SUFU: variants seen among roughly 807,000 people sequenced by gnomAD.
The protein encoded by SUFU is suppressor of fused homolog.
A neutral mutation model predicts 58.9 loss-of-function variants in SUFU; 7 were observed. The observed-to-expected ratio is 0.12, with a 90% CI of 0.07 to 0.22. SUFU has a LOEUF of 0.22. Among genes scored for constraint, SUFU ranks in the 10% least tolerant of loss-of-function variants. The pLI is 1.00. For missense variants in SUFU, 451 were observed against 641.3 expected (o/e 0.70, Z 3.20); for synonymous variants, 232 against 254.8 (o/e 0.91, Z 0.85).
intron 2 of SUFU, among the ~76,000 whole-genome samples, chr10:102,543,816 A>C (rs988758523): frequency 6.6e-6 from 1 of 152,232 alleles, no homozygotes; most frequent in African/African-American, 2.4e-5. Context: ...CCAAATGTTT[A>C]ATCCCCAATA....
chr10:102,539,079 T>C (rs2062772137), intron 2 of SUFU, among the ~76,000 whole-genome samples: 1 of 152,202 alleles, frequency 6.6e-6, no homozygotes, highest in Non-Finnish European at 1.5e-5. Context: ...CTTTTCCTGG[T>C]ATGTGGGGCT....
intron 2 of SUFU, among the ~76,000 whole-genome samples, chr10:102,514,915 G>C (rs1307244154): frequency 6.6e-6 from 1 of 152,252 alleles, no homozygotes; most frequent in African/African-American, 2.4e-5. Context: ...TCCCAGGGCA[G>C]GTCATCTGCT....
chr10:102,606,917 A>G (rs954840722), intron 8 of SUFU, among the ~76,000 whole-genome samples: 1 of 152,204 alleles, frequency 6.6e-6, no homozygotes, highest in East Asian at 1.9e-4. Flanking sequence ...ACAACGGTAT[A>G]GCAGGAATGA....
chr10:102,563,159 T>TG (rs1466684538), intron 3 of SUFU, among the ~76,000 whole-genome samples: 2 of 152,106 alleles, frequency 1.3e-5, no homozygotes, highest in African/African-American at 2.4e-5. Flanking sequence ...AGAGAGGACT[T>TG]GGGGAAAAGG....
At chr10:102,525,860 G>C (rs192760399) in intron 2 of SUFU, among the ~76,000 whole-genome samples, 13 of 152,260 alleles carry the variant, frequency 8.5e-5, no homozygotes, top group Admixed American at 6.5e-4. Flanking sequence ...TCTTAGTGCT[G>C]AGGATACCAT....
At chr10:102,518,893 A>G (rs899318256) in intron 2 of SUFU, among the ~76,000 whole-genome samples, 1 of 151,442 alleles carries the variant, frequency 6.6e-6, no homozygotes, top group Non-Finnish European at 1.5e-5. Context: ...TAATCCCAGC[A>G]CTTTGGGAGG....
intron 2 of SUFU, among the ~76,000 whole-genome samples, chr10:102,528,681 T>C (rs967388308): frequency 2.0e-5 from 3 of 152,194 alleles, no homozygotes; most frequent in Admixed American, 1.3e-4. Context: ...AAGAGTTTAT[T>C]TGACTGGATT....
At chr10:102,534,513 G>A (rs935679509) in intron 2 of SUFU, among the ~76,000 whole-genome samples, 14 of 152,218 alleles carry the variant, frequency 9.2e-5, no homozygotes, top group African/African-American at 1.4e-4. Flanking sequence ...CACGCAAGGG[G>A]AAATGTTCAC....
In SUFU at chr10:102,629,351, A is replaced by G. The variant is rs2063817024; in HGVS notation, c.1366-715A>G. On this transcript the variant is annotated intron_variant, in intron 11 of 11. Coordinates refer to ENST00000369902, the MANE Select transcript of SUFU (RefSeq NM_016169.4). The surrounding 1 kb of genome is among the most constrained non-coding windows in gnomAD (Gnocchi z 4.7). ...ATGGGAGAAACAGAACTGTAGGCAA[A>G]TCAGTGTATCCTGGGATGGGGTGGG... Among the ~76,000 whole-genome samples the G allele has an allele frequency of 6.6e-6, 1 of 152,132 alleles. No individual in the cohort carries two copies. Among genetic ancestry groups the G allele is most frequent in the Non-Finnish European group, 1.5e-5 (1 of 68,018 alleles).
rs2063416715 is a variant in SUFU, at chr10:102,592,714, C to T, written c.587C>T (p.Thr196Ile). 1.2e-6 allele frequency: 2 copies of T among 1,614,098 alleles called. No homozygotes were observed. Among genetic ancestry groups the T allele is most frequent in the Non-Finnish European group, 8.5e-7 (1 of 1,180,042 alleles). Residue 196 changes from threonine to isoleucine, a missense_variant, in exon 4 of 12, where the codon ACC (threonine) becomes ATC (isoleucine). By Grantham distance (89) the Thr-to-Ile change is moderately conservative. Coordinates refer to ENST00000369902, the MANE Select transcript of SUFU (RefSeq NM_016169.4). The stretch of plus-strand genomic sequence containing the variant: ...GTGCAGACACCCTTTGGGGTAGTTA[C>T]CTTCCTCCAGGTGAGGCACAGGTTG... The part of the protein sequence containing the change: ...QPVQTPFGVV[T>I]FLQIVGVCTE...
chr10:102,584,718 CAG>C (rs1405975375), intron 3 of SUFU, among the ~76,000 whole-genome samples: 4 of 151,802 alleles, frequency 2.6e-5, no homozygotes, highest in Non-Finnish European at 5.9e-5. Context: ...GTTGCCTTTT[CAG>C]AGTAAGTTTG....
In SUFU at chr10:102,615,240, C is replaced by T. The variant is rs202247758; in HGVS notation, c.1023-28C>T. ...CCTCCCTGAGCTTTTCACCTTGTGC[C>T]GAACCTTTTCCTGTGCTTGCTTCAC... On this transcript the variant is annotated intron_variant, in intron 8 of 11. Transcript: ENST00000369902. 2,745 of 1,613,896 alleles carry T rather than the reference C, an allele frequency of 1.7e-3. 4 individuals are homozygous for T. Among genetic ancestry groups the T allele is most frequent in the Non-Finnish European group, 2.2e-3 (2,538 of 1,179,944 alleles).
intron 2 of SUFU, among the ~76,000 whole-genome samples, chr10:102,510,488 G>A (rs1176772422): frequency 0.068 from 35 of 514 alleles, no homozygotes; most frequent in African/African-American, 0.15. Context: ...GATTACAGGC[G>A]TGACGACTGT....
At chr10:102,564,587 C>T (rs527731565) in intron 3 of SUFU, among the ~76,000 whole-genome samples, 1 of 152,332 alleles carries the variant, frequency 6.6e-6, no homozygotes, top group South Asian at 2.1e-4. Context: ...CCCGCCTTGG[C>T]CTCCCAAAGT....
chr10:102,576,332 T>G (rs897979963), intron 3 of SUFU, among the ~76,000 whole-genome samples: 9 of 148,860 alleles, frequency 6.0e-5, no homozygotes, highest in Non-Finnish European at 8.8e-5. Flanking sequence ...GGTTTCTATG[T>G]TTTTTTTTCT....
intron 2 of SUFU, among the ~76,000 whole-genome samples, chr10:102,517,651 T>C (rs1157169568): frequency 6.6e-6 from 1 of 152,240 alleles, no homozygotes; most frequent in African/African-American, 2.4e-5. Flanking sequence ...AATTCATTCA[T>C]GTATCTTGCC....
At chr10:102,568,167 C>G (rs1022854323) in intron 3 of SUFU, among the ~76,000 whole-genome samples, 3 of 150,862 alleles carry the variant, frequency 2.0e-5, no homozygotes, top group Non-Finnish European at 4.4e-5. Flanking sequence ...ATAAAGAAAC[C>G]TTGTCGCAGA....
chr10:102,517,395 A>C (rs2062484960), intron 2 of SUFU, among the ~76,000 whole-genome samples: 1 of 152,182 alleles, frequency 6.6e-6, no homozygotes, highest in East Asian at 1.9e-4. Context: ...GCGCTGGGAA[A>C]GTTCCTTCTC....
intron 1 of SUFU, among the ~76,000 whole-genome samples, chr10:102,506,573 T>C (rs982756537): frequency 2.0e-5 from 3 of 152,218 alleles, no homozygotes; most frequent in Non-Finnish European, 4.4e-5. Flanking sequence ...GAGGCAGAGT[T>C]TCACCATGTT....
Sources: allele counts gnomAD v4.1 joint callset (sites outside exome capture counted in the v4.1 genomes callset), GRCh38; gene constraint gnomAD v4.1.1; non-coding constraint Gnocchi (gnomAD v3.1); transcripts MANE v1.5; gene names NCBI Gene and HGNC (gene_info 2026-07-23, HGNC 2026-07-21).